Variants in SMAD3 observed in about 807,000 individuals in gnomAD.
SMAD3 encodes SMAD family member 3.
In SMAD3, 12 loss-of-function variants were observed where a neutral mutation model predicts 51.8. The observed-to-expected ratio is 0.23, with a 90% confidence interval of 0.15 to 0.38. SMAD3 has a LOEUF of 0.38. Among genes scored for constraint, SMAD3 ranks in the 10% least tolerant of loss-of-function variants. The pLI, the probability that SMAD3 is intolerant of heterozygous loss-of-function variation, is 1.00. For synonymous variants in SMAD3, 238 were observed against 227.7 expected (o/e 1.05, Z -0.41); for missense variants, 294 against 565.6 (o/e 0.52, Z 4.87).
chr15:67,113,253 A>G (rs1301022188), intron 1 of SMAD3, among the ~76,000 whole-genome samples: 1 of 85,600 alleles, frequency 1.2e-5, no homozygotes. Context: ...CGCCCGGCCA[A>G]TTTTTTTTTT....
intron 7 of SMAD3, chr15:67,186,874 G>C (rs1963234517): frequency 2.8e-6 from 1 of 355,998 alleles, no homozygotes; most frequent in African/African-American, 2.1e-5. Context: ...AGGCCCAGTA[G>C]CCTTTCGGCC....
chr15:67,133,957 C>G (rs1002671378), intron 1 of SMAD3, among the ~76,000 whole-genome samples: 4 of 152,232 alleles, frequency 2.6e-5, no homozygotes, highest in Admixed American at 2.6e-4. Flanking sequence ...CTGCCCCCCT[C>G]TCTCCTGGGT....
intron 1 of SMAD3, among the ~76,000 whole-genome samples, chr15:67,077,652 C>G (rs78341835): frequency 6.6e-6 from 1 of 152,150 alleles, no homozygotes; most frequent in Non-Finnish European, 1.5e-5. Context: ...AAGAACAGGT[C>G]TATTTCTGGA....
chr15:67,131,528 A>G (rs1961525165), intron 1 of SMAD3, among the ~76,000 whole-genome samples: 1 of 152,202 alleles, frequency 6.6e-6, no homozygotes, highest in Non-Finnish European at 1.5e-5. Flanking sequence ...TTGCATGCCA[A>G]GCACTGCGCA....
At chr15:67,133,189 C>CT (rs2140255044) in intron 1 of SMAD3, among the ~76,000 whole-genome samples, 1 of 152,312 alleles carries the variant, frequency 6.6e-6, no homozygotes, top group Admixed American at 6.5e-5. Context: ...CTGTGACAGT[C>CT]TAACTTTATG....
chr15:67,180,111 T>C (rs1290697911), intron 5 of SMAD3, among the ~76,000 whole-genome samples: 1 of 151,898 alleles, frequency 6.6e-6, no homozygotes, highest in Non-Finnish European at 1.5e-5. Context: ...TCAAGCAGAG[T>C]GTCGTAGGCT....
chr15:67,120,866 C>T (rs1241248449), intron 1 of SMAD3, among the ~76,000 whole-genome samples: 2 of 151,422 alleles, frequency 1.3e-5, no homozygotes, highest in East Asian at 1.9e-4. Context: ...TTTTTTTTTG[C>T]GATTATTTTT....
chr15:67,093,893 A>G (rs565981460), intron 1 of SMAD3, among the ~76,000 whole-genome samples: 3 of 152,262 alleles, frequency 2.0e-5, no homozygotes, highest in Non-Finnish European at 2.9e-5. Flanking sequence ...AGTGGTGCGG[A>G]CGTCTTTGTT....
rs538377193 is a variant in SMAD3 at position 67,083,094 on chromosome 15, T to C, written c.206+16734T>C. Among the ~76,000 whole-genome samples the C allele has an allele frequency of 2.0e-5, 3 of 152,282 alleles. No individual in the cohort carries two copies. In the South Asian group the frequency reaches 6.2e-4, roughly 32 times the overall value. On this transcript the variant is annotated intron_variant, in intron 1 of 8. Coordinates refer to ENST00000327367, the MANE Select transcript of SMAD3 (RefSeq NM_005902.4). ...AACCAACAGCTACTTTCCTGGAAAA[T>C]TCTTCAGTTTCCAGAAGCAGTGGCC...
intron 7 of SMAD3, 139 bp downstream of exon 7, chr15:67,185,003 T>C (rs1166605230): frequency 8.9e-7 from 1 of 1,128,208 alleles, no homozygotes; most frequent in Non-Finnish European, 1.3e-6. Context: ...TGGATTAGGT[T>C]TTCTCTATGC....
intron 5 of SMAD3, among the ~76,000 whole-genome samples, chr15:67,171,339 G>C (rs949993858): frequency 1.3e-5 from 2 of 152,180 alleles, no homozygotes; most frequent in African/African-American, 4.8e-5. Flanking sequence ...TTAGACTGCT[G>C]GGTCAGTTTT....
rs28410524 is a variant in SMAD3, at chr15:67,190,358, A to G, written c.1155-55A>G. The G allele has an allele frequency of 4.1e-3, 6,381 of 1,548,022 alleles. 177 individuals are homozygous for G. The African/African-American group carries it at 0.062, about 15-fold the overall frequency. ...CAGAAAAAGCTTTCTGACTTGTGTA[A>G]CCCCCTGGAGATTTTTTAAGTCCCC... On this transcript the variant is annotated intron_variant, in intron 8 of 8. Transcript: ENST00000327367.
intron 1 of SMAD3, among the ~76,000 whole-genome samples, chr15:67,130,593 C>A (rs114012223): frequency 1.1e-4 from 16 of 152,286 alleles, no homozygotes; most frequent in African/African-American, 3.9e-4. Flanking sequence ...AAACATCCCC[C>A]CCAACCCTCA....
intron 1 of SMAD3, among the ~76,000 whole-genome samples, chr15:67,130,876 G>A (rs1295394725): frequency 6.6e-6 from 1 of 151,654 alleles, no homozygotes; most frequent in Non-Finnish European, 1.5e-5. Flanking sequence ...CAGGGTTGGT[G>A]ATAGCTAGTG....
chr15:67,109,586 A>C (rs1960955383), intron 1 of SMAD3, among the ~76,000 whole-genome samples: 1 of 152,182 alleles, frequency 6.6e-6, no homozygotes, highest in Non-Finnish European at 1.5e-5. Context: ...GAGAAATGTT[A>C]ATGTGAGGTT....
chr15:67,181,726 G>T (rs1284856815), intron 6 of SMAD3, among the ~76,000 whole-genome samples: 6 of 151,870 alleles, frequency 4.0e-5, no homozygotes, highest in African/African-American at 1.2e-4. Context: ...AGCCACAGAG[G>T]AAAATAGTTC....
At chr15:67,088,666 A>G (rs1960446379) in intron 1 of SMAD3, among the ~76,000 whole-genome samples, 1 of 152,174 alleles carries the variant, frequency 6.6e-6, no homozygotes, top group Non-Finnish European at 1.5e-5. Context: ...GCGGTGGCTC[A>G]CGCCTGTAAT....
intron 1 of SMAD3, chr15:67,125,966 G>A (rs781527745): frequency 3.6e-4 from 359 of 985,602 alleles, no homozygotes; most frequent in Non-Finnish European, 4.2e-4. Context: ...TCGGGCCTGT[G>A]TTGAGCAACC....
At chr15:67,142,373 T>G (rs960393100) in intron 1 of SMAD3, among the ~76,000 whole-genome samples, 2 of 152,198 alleles carry the variant, frequency 1.3e-5, no homozygotes, top group African/African-American at 4.8e-5. Flanking sequence ...CGGGGCTTTG[T>G]TGGCAATAAA....
Sources: gnomAD v4.1 joint callset for allele counts (sites outside exome capture counted in the v4.1 genomes callset) on GRCh38, gnomAD v4.1.1 for gene constraint, MANE v1.5 for transcripts, NCBI Gene and HGNC (gene_info 2026-07-23, HGNC 2026-07-21) for gene names.